The following SPEN variants were observed in gnomAD, a reference collection of about 807,000 sequenced individuals.
SPEN encodes spen family transcriptional repressor.
SPEN carries 18 observed loss-of-function variants against 269.9 expected under a neutral mutation model. The observed-to-expected ratio is 0.07, with a 90% confidence interval of 0.05 to 0.10. SPEN has a LOEUF of 0.10. Ranked by LOEUF, SPEN falls within the 10% of genes least tolerant of loss-of-function variation. SPEN has a pLI of 1.00. For missense variants in SPEN, 3,822 were observed against 4,631.2 expected, an observed-to-expected ratio of 0.83 and a Z score of 5.07; for synonymous variants, 1,726 against 1,765.7, an observed-to-expected ratio of 0.98 and a Z score of 0.56.
At chr1:15,849,005 CT>C (rs1286560748) in intron 1 of SPEN, among the ~76,000 whole-genome samples, 1 of 152,146 alleles carries the variant, frequency 6.6e-6, no homozygotes, top group Non-Finnish European at 1.5e-5. Flanking sequence ...AAAACCTCCC[CT>C]GAATATTTTT....
chr1:15,920,661 C>T (rs1163511340), intron 8 of SPEN, among the ~76,000 whole-genome samples: 1 of 151,972 alleles, frequency 6.6e-6, no homozygotes, highest in Admixed American at 6.6e-5. Context: ...TATCTCAAGC[C>T]ATAATGTCTA....
chr1:15,899,637 G>T (rs1472930011), intron 3 of SPEN, among the ~76,000 whole-genome samples: 1 of 146,672 alleles, frequency 6.8e-6, no homozygotes, highest in African/African-American at 2.5e-5. Context: ...CTCCCAAGTA[G>T]TGTCAACTAC....
At chr1:15,864,787 C>G (rs1282414312) in intron 1 of SPEN, among the ~76,000 whole-genome samples, 1 of 150,978 alleles carries the variant, frequency 6.6e-6, no homozygotes. Flanking sequence ...ACTCAAACTC[C>G]CATCTTAACC....
At chr1:15,883,323 C>A (rs949587642) in intron 3 of SPEN, among the ~76,000 whole-genome samples, 1 of 152,178 alleles carries the variant, frequency 6.6e-6, no homozygotes, top group Admixed American at 6.6e-5. Flanking sequence ...AGAAGAACTT[C>A]AAGTAACCAA....
intron 1 of SPEN, among the ~76,000 whole-genome samples, chr1:15,851,579 C>G (rs2070336181): frequency 6.6e-6 from 1 of 152,182 alleles, no homozygotes; most frequent in South Asian, 2.1e-4. Flanking sequence ...ACATCTTTAT[C>G]TTTTCAGATT....
At position 15,933,178 on chromosome 1, in the gene SPEN, C is replaced by T; in HGVS notation, c.6938C>T (p.Pro2313Leu). The T allele has an allele frequency of 6.2e-7, 1 of 1,614,198 alleles. No homozygotes were observed. The highest frequency in any genetic ancestry group is 8.5e-7 in the Non-Finnish European group (1 of 1,180,046). Residue 2313 changes from proline (P) to leucine (L), a missense_variant, in exon 11 of 15, where the codon CCA becomes CTA. Pro to Leu is a moderately conservative substitution (Grantham distance 98, BLOSUM62 -3). Coordinates refer to ENST00000375759, the MANE Select transcript of SPEN (RefSeq NM_015001.3). This position sits in a 1 kb window ranked among gnomAD's most constrained non-coding sequence, Gnocchi z 5.7. Reference protein sequence around the residue: ...GNSSETSHSVPEAKGSKEVEV... With the variant: ...GNSSETSHSVLEAKGSKEVEV... ...AGCAGTGAAACCTCACACTCAGTGCCAGAAGCCAAAGGGTCTAAAGAAGTG... is the reference window on the plus strand; with the variant it reads ...AGCAGTGAAACCTCACACTCAGTGCTAGAAGCCAAAGGGTCTAAAGAAGTG...
chr1:15,927,106 G>T (rs963920702), intron 10 of SPEN, among the ~76,000 whole-genome samples: 2 of 152,176 alleles, frequency 1.3e-5, no homozygotes, highest in African/African-American at 4.8e-5. Flanking sequence ...GGAAGTAATT[G>T]GTCTCTGTTA....
chr1:15,916,475 A>G (rs1200837830), intron 6 of SPEN, among the ~76,000 whole-genome samples, 196 bp downstream of exon 6: 3 of 148,878 alleles, frequency 2.0e-5, no homozygotes, highest in Admixed American at 1.3e-4. Flanking sequence ...AATGTAATAT[A>G]TGTCCTTTGT....
intron 11 of SPEN, among the ~76,000 whole-genome samples, chr1:15,936,571 C>T (rs934463786): frequency 6.6e-6 from 1 of 150,778 alleles, no homozygotes; most frequent in African/African-American, 2.4e-5. Context: ...ATTGCTTGAG[C>T]CCTGGAGGCA....
At chr1:15,923,284 A>C (rs772360780) in intron 10 of SPEN, among the ~76,000 whole-genome samples, 1 of 152,196 alleles carries the variant, frequency 6.6e-6, no homozygotes, top group African/African-American at 2.4e-5. Context: ...AACAGACCGA[A>C]ATATAGTAAA....
chr1:15,856,237 G>A (rs939581671), intron 1 of SPEN, among the ~76,000 whole-genome samples: 3 of 151,714 alleles, frequency 2.0e-5, no homozygotes, highest in South Asian at 2.1e-4. Flanking sequence ...GGATCCGCCC[G>A]CCTCGGCCTC....
intron 1 of SPEN, among the ~76,000 whole-genome samples, chr1:15,850,598 A>G (rs758613092): frequency 3.9e-5 from 6 of 152,156 alleles, no homozygotes; most frequent in Non-Finnish European, 7.3e-5. Context: ...ATCTTTCTGC[A>G]TGTACAAGAA....
Position 15,930,843 on chromosome 1 carries a change from A to G in SPEN, c.4603A>G (p.Ile1535Val), listed in dbSNP as rs1167704638. Reference sequence around the variant, plus strand: ...TGCTTCTCGTTTTTTACACAGCTCAATCTTTGAACAAGATTCCAAGCGATT... The same window carrying G: ...TGCTTCTCGTTTTTTACACAGCTCAGTCTTTGAACAAGATTCCAAGCGATT... ...LFASRFLHSS[I>V]FEQDSKRLQH... The change falls in exon 11 of 15, where the codon ATC becomes GTC. Residue 1535 changes from isoleucine to valine, a missense_variant. Ile to Val is a conservative substitution (Grantham distance 29). This residue lies in a region of SPEN where 533 missense variants were observed against 618.8 expected (regional missense o/e 0.86). Coordinates refer to ENST00000375759, the MANE Select transcript of SPEN (RefSeq NM_015001.3). The surrounding 1 kb of genome is among the most constrained non-coding windows in gnomAD (Gnocchi z 5.3). 1.2e-6 allele frequency: 2 copies of G among 1,614,158 alleles called. No individual in the cohort carries two copies. The highest frequency in any genetic ancestry group is 1.6e-4 in the Middle Eastern group (1 of 6,062).
At chr1:15,899,537 G>GTTTTT (rs34565365) in intron 3 of SPEN, among the ~76,000 whole-genome samples, 7 of 83,418 alleles carry the variant, frequency 8.4e-5, no homozygotes, top group East Asian at 3.6e-4. Flanking sequence ...ATGTGGCAGA[G>GTTTTT]TTTTTTTTTT....
At chr1:15,909,854 G>T (rs187649406) in intron 4 of SPEN, among the ~76,000 whole-genome samples, 1 of 152,140 alleles carries the variant, frequency 6.6e-6, no homozygotes, top group East Asian at 1.9e-4. Context: ...GGCCAGGCGC[G>T]GTGGCTCATG....
In SPEN at chr1:15,880,334, AGCTAACAGATT is replaced by A. The variant is rs1406368594; in HGVS notation, c.881+3657_881+3667del. On this transcript the variant is annotated intron_variant, in intron 3 of 14. Transcript: ENST00000375759. Reference sequence around the variant, plus strand: ...TTTCATATATAGTCATATTTTCTAGAGCTAACAGATTTCAACCCTATATTTACATGTTGCTT... The same window carrying A: ...TTTCATATATAGTCATATTTTCTAGATCAACCCTATATTTACATGTTGCTT... Among the ~76,000 whole-genome samples the A allele has an allele frequency of 2.0e-5, 3 of 151,752 alleles. No individual in the cohort carries two copies. The East Asian group carries it at 5.8e-4, about 29-fold the overall frequency.
At chr1:15,899,169 T>C (rs968171169) in intron 3 of SPEN, among the ~76,000 whole-genome samples, 5 of 152,164 alleles carry the variant, frequency 3.3e-5, no homozygotes, top group Non-Finnish European at 7.3e-5. Context: ...GCATTTGTTA[T>C]TTTGTTTGCT....
chr1:15,906,453 CTTTTTT>C lies in SPEN; in HGVS notation c.882-2848_882-2843del, dbSNP rs200731520. Among the ~76,000 whole-genome samples the C allele has an allele frequency of 1.4e-4, 13 of 92,584 alleles. No individual in the cohort carries two copies. In the South Asian group the frequency reaches 2.7e-3, roughly 19 times the overall value. 60.7% of individuals were successfully genotyped at this position (92,584 alleles called of 152,430 possible). On this transcript the variant is annotated intron_variant, in intron 3 of 14. Coordinates refer to ENST00000375759, the MANE Select transcript of SPEN (RefSeq NM_015001.3). ...GCTTTCTTTTTCTTTTCTTTCTTTCCTTTTTTTTTTTTTTTTTTTTTTTTTGAGACA... is the reference window on the plus strand; with the variant it reads ...GCTTTCTTTTTCTTTTCTTTCTTTCCTTTTTTTTTTTTTTTTTTTGAGACA...
chr1:15,888,753 C>G (rs189069236), intron 3 of SPEN, among the ~76,000 whole-genome samples: 374 of 152,014 alleles, frequency 2.5e-3, no homozygotes, highest in Non-Finnish European at 4.0e-3. Flanking sequence ...CTGCCTCAGT[C>G]TTCGGAATAG....
Sources: allele counts gnomAD v4.1 joint callset (sites outside exome capture counted in the v4.1 genomes callset), GRCh38; gene constraint gnomAD v4.1.1; regional missense constraint gnomAD v4.1.1; non-coding constraint Gnocchi (gnomAD v3.1); transcripts MANE v1.5; gene names NCBI Gene and HGNC (gene_info 2026-07-23, HGNC 2026-07-21).